Variants in CD59 observed in about 807,000 individuals in gnomAD.
CD59 encodes the protein CD59 molecule (CD59 blood group).
CD59 carries 3 observed loss-of-function variants against 7.0 expected under a neutral mutation model. That is an observed-to-expected ratio of 0.43 (90% CI 0.19 to 1.10). The LOEUF (loss-of-function observed/expected upper bound fraction) is 1.10, where lower values mean the gene tolerates loss of function less well. Among genes scored for constraint, CD59 ranks in the 50% least tolerant of loss-of-function variants. The probability of loss-of-function intolerance (pLI) is 0.29; values close to 1 mark genes in which losing one functional copy is unlikely to be tolerated. For missense variants in CD59, 143 were observed against 151.0 expected (o/e 0.95, Z 0.28); for synonymous variants, 60 against 62.0 (o/e 0.97, Z 0.15).
At chr11:33,719,313 T>C (rs942191551) in intron 2 of CD59, 3 of 152,186 alleles carry the variant, frequency 2.0e-5, no homozygotes, top group Non-Finnish European at 2.9e-5. Context: ...CCTTGAAATA[T>C]TAGTTTTAAA....
At chr11:33,715,109 G>A (rs1853729733) in intron 3 of CD59, among the ~76,000 whole-genome samples, 3 of 151,836 alleles carry the variant, frequency 2.0e-5, no homozygotes, top group Non-Finnish European at 2.9e-5. Flanking sequence ...TAAGTAGAAG[G>A]ACTACATGCT....
chr11:33,730,570 G>A (rs1439725958), intron 1 of CD59, among the ~76,000 whole-genome samples: 1 of 152,290 alleles, frequency 6.6e-6, no homozygotes, highest in Admixed American at 6.5e-5. Context: ...GCCACCTCCT[G>A]TTGCTATTGC....
chr11:33,730,031 T>G (rs756396871), intron 1 of CD59, among the ~76,000 whole-genome samples: 6 of 152,198 alleles, frequency 3.9e-5, no homozygotes, highest in Non-Finnish European at 8.8e-5. Flanking sequence ...AGAAATATTT[T>G]TTAAAATTAA....
chr11:33,721,509 C>T (rs757355334), intron 2 of CD59, among the ~76,000 whole-genome samples: 1 of 152,176 alleles, frequency 6.6e-6, no homozygotes, highest in Non-Finnish European at 1.5e-5. Flanking sequence ...CCCCCACCAA[C>T]CATATTTATA....
In CD59 at chr11:33,709,056, GGTGT is replaced by G. The variant is rs561316878; in HGVS notation, c.*1066_*1069del. 1.1e-3 allele frequency: 172 copies of G among 152,296 alleles called. 2 individuals are homozygous for G. Among genetic ancestry groups the G allele is most frequent in the African/African-American group, 4.1e-3 (169 of 41,552 alleles). 9.4% of individuals were successfully genotyped at this position (152,296 alleles called of 1,614,324 possible). On this transcript the variant is annotated 3_prime_UTR_variant, in exon 4 of 4. Coordinates refer to ENST00000642928, the MANE Select transcript of CD59 (RefSeq NM_000611.6). ...AAGGAAAAAGTTTGCCCTTGTGAAA[GGTGT>G]GTATCATTTTTTAGAAGAGCTTCTG...
chr11:33,703,607 G>A lies in CD59; in HGVS notation c.*6519C>T, dbSNP rs571778681. On this transcript the variant is annotated 3_prime_UTR_variant, in exon 4 of 4. Transcript: ENST00000642928. ...ATGTAGCTGTCGGCCTGGTAGCCAG[G>A]TGGGCTTGCTAATCCTGCACCTCTA... 3.3e-5 allele frequency: 5 copies of A among 152,340 alleles called. No homozygotes were observed. Among genetic ancestry groups the A allele is most frequent in the East Asian group, 1.9e-4 (1 of 5,194 alleles). 9.4% of individuals were successfully genotyped at this position (152,340 alleles called of 1,614,324 possible). A position where few individuals can be genotyped will look rare whatever the true frequency, so the allele number is the denominator to read the frequency against.
Position 33,705,491 on chromosome 11 carries a change from C to T in CD59, c.*4635G>A, listed in dbSNP as rs551222689. Reference sequence around the variant, plus strand: ...AGTCTTCTGGCTTTCTTCCACTCTTCCTGCTCTTGGACATCAGACTCCAGG... The same window carrying T: ...AGTCTTCTGGCTTTCTTCCACTCTTTCTGCTCTTGGACATCAGACTCCAGG... On this transcript the variant is annotated 3_prime_UTR_variant, in exon 4 of 4. Coordinates refer to ENST00000642928, the MANE Select transcript of CD59 (RefSeq NM_000611.6). 6.6e-4 allele frequency: 100 copies of T among 152,376 alleles called. 1 individual carries two copies. Among genetic ancestry groups the T allele is most frequent in the Admixed American group, 6.3e-3 (97 of 15,314 alleles). 9.4% of individuals were successfully genotyped at this position (152,376 alleles called of 1,614,324 possible).
intron 1 of CD59, among the ~76,000 whole-genome samples, chr11:33,735,733 T>C (rs1243549975): frequency 2.1e-5 from 3 of 145,114 alleles, no homozygotes; most frequent in African/African-American, 2.8e-5. Flanking sequence ...CTGACCAACA[T>C]GGGAAAACCC....
chr11:33,706,856 A>G lies in CD59; in HGVS notation c.*3270T>C, dbSNP rs1466589133. 1 of 152,332 alleles carries G rather than the reference A, an allele frequency of 6.6e-6. No homozygotes were observed. Among genetic ancestry groups the G allele is most frequent in the South Asian group, 2.1e-4 (1 of 4,828 alleles). 9.4% of individuals were successfully genotyped at this position (152,332 alleles called of 1,614,324 possible). ...GCAGAAACTGATTTCTTCAAAGTAA[A>G]AAGGCACCAGGGACCCATTCTAGAC... On this transcript the variant is annotated 3_prime_UTR_variant, in exon 4 of 4. Transcript: ENST00000642928.
At chr11:33,719,175 T>G (rs1853937126) in intron 2 of CD59, 1 of 152,198 alleles carries the variant, frequency 6.6e-6, no homozygotes, top group Non-Finnish European at 1.5e-5. Flanking sequence ...GCAAGGTGGG[T>G]CCTCACTTTC....
At position 33,709,742 on chromosome 11, in the gene CD59, C is replaced by T; in HGVS notation, c.*384G>A. The stretch of plus-strand genomic sequence containing the variant: ...GAGAGAGGATGCTCATATACTCCTG[C>T]CCCACCCTCCAAAGATGTACTAATG... On this transcript the variant is annotated 3_prime_UTR_variant, in exon 4 of 4. Transcript: ENST00000642928. 1 of 351,384 alleles carries T rather than the reference C, an allele frequency of 2.8e-6. No individual in the cohort carries two copies. The highest frequency in any genetic ancestry group is 5.4e-6 in the Non-Finnish European group (1 of 183,600). The allele number at this position is 351,384 out of a possible 1,614,324, so 21.8% of individuals were successfully genotyped here. A position where few individuals can be genotyped will look rare whatever the true frequency, so the allele number is the denominator to read the frequency against.
In CD59 at chr11:33,716,810, T is replaced by C. The variant is rs1853814495; in HGVS notation, c.169+560A>G. 2.0e-5 allele frequency among the ~76,000 whole-genome samples: 3 copies of C among 152,112 alleles called. No individual in the cohort carries two copies. The South Asian group carries it at 6.2e-4, about 32-fold the overall frequency. ...TGCCCCTCCCAGGCACACCCTTCCCTTCTTAGCCCTCTTACCTCCTACGTG... is the reference window on the plus strand; with the variant it reads ...TGCCCCTCCCAGGCACACCCTTCCCCTCTTAGCCCTCTTACCTCCTACGTG... On this transcript the variant is annotated intron_variant, in intron 3 of 3. Transcript: ENST00000642928.
intron 1 of CD59, among the ~76,000 whole-genome samples, chr11:33,735,298 C>G (rs972086316): frequency 9.2e-5 from 14 of 152,326 alleles, no homozygotes; most frequent in Admixed American, 9.2e-4. Flanking sequence ...CTCAACCACC[C>G]TGTGAAGTGA....
chr11:33,717,559 G>A, intron 2 of CD59, 88 bp from the exon 3 acceptor site: 1 of 786,988 alleles, frequency 1.3e-6, no homozygotes, highest in Non-Finnish European at 2.2e-6. Flanking sequence ...TGGGCCCAAA[G>A]TCAGCAACTT....
rs548970580 is a variant in CD59 at position 33,703,918 on chromosome 11, C to G, written c.*6208G>C. On this transcript the variant is annotated 3_prime_UTR_variant, in exon 4 of 4. Transcript: ENST00000642928. ...GGCACTAATTTTCCATTGCCACAGC[C>G]CTCTCCAGCCAGGAGGGCCTGGAGT... 6.6e-6 allele frequency: 1 copy of G among 152,354 alleles called. No individual in the cohort carries two copies. The highest frequency in any genetic ancestry group is 1.9e-4 in the East Asian group (1 of 5,188). 9.4% of individuals were successfully genotyped at this position (152,354 alleles called of 1,614,324 possible).
intron 1 of CD59, among the ~76,000 whole-genome samples, chr11:33,732,703 C>A (rs887911887): frequency 2.0e-5 from 3 of 152,092 alleles, no homozygotes; most frequent in Admixed American, 2.0e-4. Context: ...GTAAACTGAA[C>A]CTTTGCCTCC....
At position 33,704,111 on chromosome 11, in the gene CD59, T is replaced by G. The variant is rs909474357; in HGVS notation, c.*6015A>C. The G allele has an allele frequency of 6.6e-6, 1 of 152,070 alleles. No homozygotes were observed. 9.4% of individuals were successfully genotyped at this position (152,070 alleles called of 1,614,324 possible). A position where few individuals can be genotyped will look rare whatever the true frequency, so the allele number is the denominator to read the frequency against. The stretch of plus-strand genomic sequence containing the variant: ...ATCCTGACCAGGTGCTCAGCCTCTT[T>G]AGGGATATGTCACAATTTGCCGTGC... On this transcript the variant is annotated 3_prime_UTR_variant, in exon 4 of 4. Transcript: ENST00000642928.
rs777232599 is a variant in CD59 at position 33,710,324 on chromosome 11, C to T, written c.189G>A (p.Lys63=). ...ITKAGLQVYN[K]CWKFEHCNFN... The stretch of plus-strand genomic sequence containing the variant: ...AATTGCAATGCTCAAACTTCCAACA[C>T]TTGTTATACACTTGTAACCCTGTGG... Residue 63 remains lysine, a synonymous_variant, in exon 4 of 4, where the codon AAG becomes AAA. Coordinates refer to ENST00000642928, the MANE Select transcript of CD59 (RefSeq NM_000611.6). 6.2e-7 allele frequency: 1 copy of T among 1,614,062 alleles called. No homozygotes were observed. The highest frequency in any genetic ancestry group is 1.7e-5 in the Admixed American group (1 of 60,006).
intron 1 of CD59, among the ~76,000 whole-genome samples, chr11:33,730,689 A>G (rs1430799234): frequency 6.6e-6 from 1 of 152,184 alleles, no homozygotes; most frequent in Non-Finnish European, 1.5e-5. Flanking sequence ...TGCACATCAC[A>G]GTAAAAGGTG....
Sources: allele counts gnomAD v4.1 joint callset (sites outside exome capture counted in the v4.1 genomes callset), GRCh38; gene constraint gnomAD v4.1.1; transcripts MANE v1.5; gene names NCBI Gene and HGNC (gene_info 2026-07-23, HGNC 2026-07-21).